Variants in RAPGEF1 observed in about 807,000 individuals in gnomAD.
RAPGEF1 encodes Rap guanine nucleotide exchange factor 1, also known as CRK SH3-binding GNRP.
RAPGEF1 carries 33 observed loss-of-function variants against 143.3 expected under a neutral mutation model. The ratio of observed to expected loss-of-function variants is 0.23; its 90% CI spans 0.17 to 0.31. The LOEUF (loss-of-function observed/expected upper bound fraction) is 0.31. Among genes scored for constraint, RAPGEF1 ranks in the 10% least tolerant of loss-of-function variants. The pLI is 1.00. For missense variants in RAPGEF1, 1,199 were observed against 1,645.4 expected, an observed-to-expected ratio of 0.73 and a Z score of 4.69; for synonymous variants, 629 against 676.5, an observed-to-expected ratio of 0.93 and a Z score of 1.09.
chr9:131,620,036 C>T (rs1960336654), intron 11 of RAPGEF1, among the ~76,000 whole-genome samples: 1 of 152,132 alleles, frequency 6.6e-6, no homozygotes, highest in Non-Finnish European at 1.5e-5. Flanking sequence ...CATGTAGAGC[C>T]AGATGAGAGC....
At chr9:131,721,963 T>C (rs1395917994) in intron 1 of RAPGEF1, among the ~76,000 whole-genome samples, 1 of 152,220 alleles carries the variant, frequency 6.6e-6, no homozygotes, top group East Asian at 1.9e-4. Context: ...TCAATCTCCC[T>C]TGGATACTGT....
intron 1 of RAPGEF1, among the ~76,000 whole-genome samples, chr9:131,653,598 G>C (rs1459720013): frequency 6.6e-6 from 1 of 152,206 alleles, no homozygotes; most frequent in Non-Finnish European, 1.5e-5. Context: ...AACGCTTCAC[G>C]CACACTAGGT....
intron 1 of RAPGEF1, among the ~76,000 whole-genome samples, chr9:131,679,116 T>G (rs1005667045): frequency 1.4e-5 from 2 of 146,590 alleles, no homozygotes; most frequent in African/African-American, 5.1e-5. Context: ...GGCCCTAGGG[T>G]GCTGGAAACT....
intron 1 of RAPGEF1, among the ~76,000 whole-genome samples, chr9:131,723,090 A>T (rs1268214092): frequency 6.6e-6 from 1 of 152,150 alleles, no homozygotes; most frequent in Non-Finnish European, 1.5e-5. Flanking sequence ...GCTACTCAGG[A>T]TGCTGAGGCA....
chr9:131,737,490 A>G (rs1455643580), intron 1 of RAPGEF1: 1 of 1,613,474 alleles, frequency 6.2e-7, no homozygotes, highest in Non-Finnish European at 8.5e-7. Context: ...CTCTGGGAGC[A>G]GGCACTTTCA....
chr9:131,702,927 G>A (rs1010039771), intron 1 of RAPGEF1, among the ~76,000 whole-genome samples: 2 of 152,152 alleles, frequency 1.3e-5, no homozygotes, highest in Admixed American at 1.3e-4. Flanking sequence ...ATTTGCATAC[G>A]ATGACAATTC....
chr9:131,709,505 G>T, intron 1 of RAPGEF1: 1 of 874,292 alleles, frequency 1.1e-6, no homozygotes, highest in Non-Finnish European at 1.8e-6. Flanking sequence ...GACTACCTGT[G>T]CTTTCTGCTC....
intron 12 of RAPGEF1, among the ~76,000 whole-genome samples, chr9:131,614,171 ACC>A (rs1409557838): frequency 2.0e-5 from 3 of 149,502 alleles, no homozygotes; most frequent in African/African-American, 7.4e-5. Context: ...GCCTTGAGAA[ACC>A]CCTCTCCCAC....
intron 1 of RAPGEF1, among the ~76,000 whole-genome samples, chr9:131,708,921 C>T (rs13283933): frequency 0.23 from 34,944 of 152,086 alleles, 4,610 homozygotes; most frequent in Non-Finnish European, 0.3. Flanking sequence ...TTAGTAGAGA[C>T]GGGGTTTCGC....
Position 131,619,097 on chromosome 9 carries a change from A to G in RAPGEF1, c.2015T>C (p.Val672Ala). 2 of 1,355,246 alleles carry G rather than the reference A, an allele frequency of 1.5e-6. No homozygotes were observed. The highest frequency in any genetic ancestry group is 2.0e-6 in the Non-Finnish European group (2 of 1,017,088). The allele number at this position is 1,355,246 out of a possible 1,614,324, so 84.0% of individuals were successfully genotyped here. A position where few individuals can be genotyped will look rare whatever the true frequency, so the allele number is the denominator to read the frequency against. The change falls in exon 12 of 27, where the codon GTC becomes GCC. Residue 672 changes from valine to alanine, a missense_variant. By Grantham distance (64) the Val-to-Ala change is moderately conservative (BLOSUM62 0). Transcript: ENST00000683357. ...GSAAQGLSVS[V>A]SNSFLSRHGS... Reference sequence around the variant, plus strand: ...GTGCCGGCTGAGAAAGGAGTTAGAGACGGACACACTGAGGCCCTGAGCGGC... The same window carrying G: ...GTGCCGGCTGAGAAAGGAGTTAGAGGCGGACACACTGAGGCCCTGAGCGGC...
chr9:131,720,331 T>C (rs1010211196), intron 1 of RAPGEF1, among the ~76,000 whole-genome samples: 2 of 152,214 alleles, frequency 1.3e-5, no homozygotes, highest in African/African-American at 2.4e-5. Flanking sequence ...ATTATTATTA[T>C]AAGGGCAACC....
intron 10 of RAPGEF1, 22 bp downstream of exon 10, chr9:131,625,900 C>A: frequency 6.5e-7 from 1 of 1,528,958 alleles, no homozygotes; most frequent in South Asian, 1.3e-5. Context: ...CACTTCCTGA[C>A]AACAGTGCAA....
chr9:131,587,841 A>C lies in RAPGEF1; in HGVS notation c.3139-11T>G, dbSNP rs1297982744. ...CAAAACCTCAGGAATCTACAAAAGG[A>C]AAGAAGGCAGATGGAGGTGGAGCCC... is the stretch of plus-strand genomic sequence containing the variant. On this transcript the variant is annotated splice_polypyrimidine_tract_variant and intron_variant, in intron 21 of 26. Transcript: ENST00000683357. 1.2e-6 allele frequency: 2 copies of C among 1,612,568 alleles called. No homozygotes were observed. The highest frequency in any genetic ancestry group is 1.7e-4 in the Middle Eastern group (1 of 6,058).
chr9:131,714,862 C>G (rs35466825), intron 1 of RAPGEF1, among the ~76,000 whole-genome samples: 3,037 of 152,204 alleles, frequency 0.02, 55 homozygotes, highest in Non-Finnish European at 0.032. Flanking sequence ...CACTTGCCAC[C>G]ATGCCTGGTT....
In RAPGEF1 at chr9:131,605,341, G is replaced by C. The variant is rs538195596; in HGVS notation, c.2062-153C>G. On this transcript the variant is annotated intron_variant, in intron 12 of 26. Coordinates refer to ENST00000683357, the MANE Select transcript of RAPGEF1 (RefSeq NM_001377935.1). The stretch of plus-strand genomic sequence containing the variant: ...CACGCCAAGCAACCCCCAGTCCTCA[G>C]GCCACTGTGATACCCACACCCAGCA... 1.5e-4 allele frequency among the ~76,000 whole-genome samples: 23 copies of C among 152,272 alleles called. 2 individuals are homozygous for C. The highest frequency in any genetic ancestry group is 1.3e-3 in the Admixed American group (20 of 15,292).
chr9:131,597,536 C>T (rs192547804), intron 16 of RAPGEF1, among the ~76,000 whole-genome samples: 23 of 152,280 alleles, frequency 1.5e-4, no homozygotes, highest in Middle Eastern at 6.8e-3. Flanking sequence ...CCTCCTGGTG[C>T]GGGCCAAGGC....
At chr9:131,719,834 T>C (rs1198339389) in intron 1 of RAPGEF1, among the ~76,000 whole-genome samples, 2 of 151,934 alleles carry the variant, frequency 1.3e-5, no homozygotes, top group Non-Finnish European at 1.5e-5. Flanking sequence ...GTTAGGGGAA[T>C]AGTTCATCTG....
chr9:131,734,403 G>A (rs1837285811), intron 1 of RAPGEF1, among the ~76,000 whole-genome samples: 1 of 152,212 alleles, frequency 6.6e-6, no homozygotes, highest in Admixed American at 6.5e-5. Context: ...GGAAATTGCA[G>A]AGATGTTCAA....
chr9:131,657,737 G>A (rs898333660), intron 1 of RAPGEF1, among the ~76,000 whole-genome samples: 3 of 152,296 alleles, frequency 2.0e-5, no homozygotes, highest in African/African-American at 7.2e-5. Context: ...CTCGAGAAGC[G>A]GATGGATTCC....
Sources: gnomAD v4.1 joint callset for allele counts (sites outside exome capture counted in the v4.1 genomes callset) on GRCh38, gnomAD v4.1.1 for gene constraint, MANE v1.5 for transcripts, NCBI Gene and HGNC (gene_info 2026-07-23, HGNC 2026-07-21) for gene names.